WWC1: variants seen among roughly 807,000 people sequenced by gnomAD.
WWC1 encodes the protein WW and C2 domain containing 1.
A neutral mutation model predicts 138.4 loss-of-function variants in WWC1; 55 were observed. The observed-to-expected ratio is 0.40, with a 90% confidence interval of 0.32 to 0.50. WWC1 has a LOEUF of 0.50. Ranked by LOEUF, WWC1 falls within the 20% of genes least tolerant of loss-of-function variation. The probability of loss-of-function intolerance (pLI) is 0.72; values close to 1 mark genes in which losing one functional copy is unlikely to be tolerated. For missense variants in WWC1, 1,226 were observed against 1,420.4 expected (o/e 0.86, Z 2.20); for synonymous variants, 524 against 564.9 (o/e 0.93, Z 1.03).
intron 1 of WWC1, among the ~76,000 whole-genome samples, chr5:168,324,831 G>A (rs188453015): frequency 1.8e-4 from 28 of 152,284 alleles, no homozygotes; most frequent in Admixed American, 8.5e-4. Flanking sequence ...TAAAAGGATA[G>A]GAAGGATATA....
At chr5:168,437,892 G>A (rs1182391793) in intron 15 of WWC1, among the ~76,000 whole-genome samples, 1 of 152,128 alleles carries the variant, frequency 6.6e-6, no homozygotes, top group Admixed American at 6.5e-5. Context: ...CACGAGACCC[G>A]TTTTGGGGAA....
chr5:168,339,456 T>C (rs1455823714), intron 1 of WWC1, among the ~76,000 whole-genome samples: 1 of 152,174 alleles, frequency 6.6e-6, no homozygotes, highest in Non-Finnish European at 1.5e-5. Context: ...TGACTTCAAA[T>C]CAAGGGATCT....
At chr5:168,337,574 T>G (rs907678180) in intron 1 of WWC1, among the ~76,000 whole-genome samples, 1 of 152,180 alleles carries the variant, frequency 6.6e-6, no homozygotes, top group African/African-American at 2.4e-5. Flanking sequence ...CAGGAGGCCC[T>G]GAAAGATATG....
At chr5:168,333,985 G>C (rs888265689) in intron 1 of WWC1, among the ~76,000 whole-genome samples, 8 of 150,314 alleles carry the variant, frequency 5.3e-5, no homozygotes, top group East Asian at 2.0e-4. Context: ...AAGCCAAGAC[G>C]GGGAAGGATC....
intron 15 of WWC1, among the ~76,000 whole-genome samples, chr5:168,440,202 G>A (rs1247765243): frequency 6.6e-6 from 1 of 152,198 alleles, no homozygotes; most frequent in Non-Finnish European, 1.5e-5. Context: ...CATGTGAAAA[G>A]ATGTTCAACA....
At chr5:168,307,350 T>C (rs1012492410) in intron 1 of WWC1, among the ~76,000 whole-genome samples, 14 of 152,308 alleles carry the variant, frequency 9.2e-5, no homozygotes, top group African/African-American at 3.4e-4. Flanking sequence ...CTAGTCCTGG[T>C]GATTTAGACT....
chr5:168,339,070 G>A (rs1773753441), intron 1 of WWC1, among the ~76,000 whole-genome samples: 1 of 152,184 alleles, frequency 6.6e-6, no homozygotes, highest in African/African-American at 2.4e-5. Flanking sequence ...AAACATCACT[G>A]TGTATTCTAA....
At chr5:168,293,049 C>T (rs1438254862) in intron 1 of WWC1, among the ~76,000 whole-genome samples, 1 of 152,202 alleles carries the variant, frequency 6.6e-6, no homozygotes, top group Non-Finnish European at 1.5e-5. Flanking sequence ...GGCTCCTCAG[C>T]CCTGCACCAG....
intron 1 of WWC1, among the ~76,000 whole-genome samples, chr5:168,346,259 T>C (rs570121479): frequency 1.9e-4 from 29 of 152,068 alleles, no homozygotes; most frequent in Non-Finnish European, 3.7e-4. Context: ...GTATAAACAC[T>C]GTAAGGAGAT....
At chr5:168,375,621 G>T (rs917512188) in intron 2 of WWC1, among the ~76,000 whole-genome samples, 5 of 151,896 alleles carry the variant, frequency 3.3e-5, no homozygotes, top group Non-Finnish European at 5.9e-5. Context: ...TGTCGCCCAG[G>T]CTGGAGTACA....
intron 20 of WWC1, among the ~76,000 whole-genome samples, chr5:168,464,195 G>A (rs1366696838): frequency 6.6e-6 from 1 of 152,180 alleles, no homozygotes; most frequent in Non-Finnish European, 1.5e-5. Context: ...AGAAACAATA[G>A]GGGCCCATTA....
intron 1 of WWC1, among the ~76,000 whole-genome samples, chr5:168,341,345 G>T (rs1027027612): frequency 6.6e-6 from 1 of 152,122 alleles, no homozygotes; most frequent in Non-Finnish European, 1.5e-5. Flanking sequence ...TGCAAGACTC[G>T]AGGGTGCGGC....
intron 1 of WWC1, among the ~76,000 whole-genome samples, chr5:168,358,822 G>A (rs911187828): frequency 2.0e-5 from 3 of 151,514 alleles, no homozygotes; most frequent in South Asian, 2.1e-4. Context: ...ACATGTATAC[G>A]TACACATGTA....
At chr5:168,309,324 T>C (rs1472695402) in intron 1 of WWC1, among the ~76,000 whole-genome samples, 1 of 152,048 alleles carries the variant, frequency 6.6e-6, no homozygotes, top group Non-Finnish European at 1.5e-5. Flanking sequence ...AAACAACAAA[T>C]CGAAAATTGA....
chr5:168,375,720 G>T lies in WWC1; in HGVS notation c.229+4187G>T, dbSNP rs144802667. On this transcript the variant is annotated intron_variant, in intron 2 of 22. Transcript: ENST00000265293. ...CTCCCAAGTAGCTGGGATTGCAGGT[G>T]CCCGCCACCACGCCCAGCTCATTTT... Among the ~76,000 whole-genome samples the T allele has an allele frequency of 3.0e-3, 459 of 151,692 alleles. 4 individuals are homozygous for T. The highest frequency in any genetic ancestry group is 0.011 in the African/African-American group (444 of 41,350).
intron 1 of WWC1, among the ~76,000 whole-genome samples, chr5:168,328,897 C>G (rs1398845388): frequency 6.6e-6 from 1 of 152,170 alleles, no homozygotes; most frequent in Non-Finnish European, 1.5e-5. Context: ...TGTCTGGTGC[C>G]CCTGCTTGCA....
Position 168,316,926 on chromosome 5 carries a change from G to A in WWC1, c.119+24655G>A, listed in dbSNP as rs1350766604. ...CCAAATTACACTTGATTTGCCTCCA[G>A]GAAGAAAATAGTACATTGTTATCAT... On this transcript the variant is annotated intron_variant, in intron 1 of 22. Coordinates refer to ENST00000265293, the MANE Select transcript of WWC1 (RefSeq NM_015238.3). 2 of 152,036 alleles carry A rather than the reference G, an allele frequency of 1.3e-5. 1 individual carries two copies. The highest frequency in any genetic ancestry group is 2.9e-5 in the Non-Finnish European group (2 of 68,006). The allele number at this position is 152,036 out of a possible 1,614,324, so 9.4% of individuals were successfully genotyped here. A position where few individuals can be genotyped will look rare whatever the true frequency, so the allele number is the denominator to read the frequency against.
rs191898657 is a variant in WWC1, at chr5:168,410,769, T to C, written c.941+774T>C. On this transcript the variant is annotated intron_variant, in intron 8 of 22. Coordinates refer to ENST00000265293, the MANE Select transcript of WWC1 (RefSeq NM_015238.3). ...CTCATTTAATTTTAAAAGCAATGCA[T>C]CTTCTCATTTAATTTTAAAAGCAAC... Among the ~76,000 whole-genome samples, 258 of 152,156 alleles carry C rather than the reference T, an allele frequency of 1.7e-3. 1 individual carries two copies. The highest frequency in any genetic ancestry group is 6.0e-3 in the African/African-American group (248 of 41,516).
chr5:168,423,842 A>T lies in WWC1; in HGVS notation c.1584A>T (p.Pro528=). 2.5e-6 allele frequency: 4 copies of T among 1,613,962 alleles called. No individual in the cohort carries two copies. The highest frequency in any genetic ancestry group is 3.4e-6 in the Non-Finnish European group (4 of 1,179,982). ...CTCTGCGTTCCCTGTCTGGCACCCC[A>T]AAGTCCATGACCTCCCTATCCCCAC... The part of the protein sequence containing the change: ...LQALRSLSGT[P]KSMTSLSPRS... The change falls in exon 11 of 23, where the codon CCA becomes CCT. Residue 528 remains proline (P), a synonymous_variant. Coordinates refer to ENST00000265293, the MANE Select transcript of WWC1 (RefSeq NM_015238.3).
Sources: allele counts gnomAD v4.1 joint callset (sites outside exome capture counted in the v4.1 genomes callset), GRCh38; gene constraint gnomAD v4.1.1; transcripts MANE v1.5; gene names NCBI Gene and HGNC (gene_info 2026-07-23, HGNC 2026-07-21).